Variants in DGKH observed in about 807,000 individuals in gnomAD.
DGKH encodes the protein DAG kinase eta.
A neutral mutation model predicts 159.3 loss-of-function variants in DGKH; 90 were observed. That is an observed-to-expected ratio of 0.57 (90% CI 0.48 to 0.67). The LOEUF (loss-of-function observed/expected upper bound fraction) is 0.67. Among genes scored for constraint, DGKH ranks in the 30% least tolerant of loss-of-function variants. The pLI, the probability that DGKH is intolerant of heterozygous loss-of-function variation, is 0.00. For synonymous variants in DGKH, 536 were observed against 553.8 expected (o/e 0.97, Z 0.45); for missense variants, 1,181 against 1,506.1 (o/e 0.78, Z 3.57).
chr13:42,101,268 G>T (rs1055001065), intron 1 of DGKH, among the ~76,000 whole-genome samples: 1 of 152,174 alleles, frequency 6.6e-6, no homozygotes, highest in African/African-American at 2.4e-5. Context: ...TAGTCTTCTA[G>T]AACTTATGGT....
intron 29 of DGKH, among the ~76,000 whole-genome samples, chr13:42,251,983 A>T (rs1040022637): frequency 3.9e-5 from 6 of 152,200 alleles, no homozygotes; most frequent in African/African-American, 1.2e-4. Flanking sequence ...TCTTCAAAAA[A>T]TGTCCTTTGA....
At chr13:42,185,519 T>A (rs954941449) in intron 13 of DGKH, among the ~76,000 whole-genome samples, 4 of 152,238 alleles carry the variant, frequency 2.6e-5, no homozygotes, top group African/African-American at 9.6e-5. Flanking sequence ...AAAGCAGCTA[T>A]GATAATGATA....
intron 1 of DGKH, among the ~76,000 whole-genome samples, chr13:42,083,237 A>T (rs1408270141): frequency 6.6e-6 from 1 of 152,174 alleles, no homozygotes; most frequent in African/African-American, 2.4e-5. Context: ...ACAAAAACAC[A>T]AAAAAAGAGG....
intron 17 of DGKH, among the ~76,000 whole-genome samples, chr13:42,198,041 A>G (rs1957245768): frequency 6.6e-6 from 1 of 152,202 alleles, no homozygotes; most frequent in East Asian, 1.9e-4. Context: ...ACATCTCTTA[A>G]TATTTTAAAT....
intron 24 of DGKH, among the ~76,000 whole-genome samples, chr13:42,211,904 A>T (rs9533035): frequency 0.25 from 37,216 of 150,812 alleles, 4,669 homozygotes; most frequent in African/African-American, 0.28. Flanking sequence ...TACAGGAAAA[A>T]CTCACCCCCA....
At chr13:42,191,668 C>T (rs2138118102) in intron 16 of DGKH, among the ~76,000 whole-genome samples, 1 of 152,068 alleles carries the variant, frequency 6.6e-6, no homozygotes, top group Middle Eastern at 3.4e-3. Flanking sequence ...GTAGTGAGTA[C>T]ATTTTAAATT....
At chr13:42,096,792 AG>A (rs1428522823) in intron 1 of DGKH, among the ~76,000 whole-genome samples, 1 of 152,220 alleles carries the variant, frequency 6.6e-6, no homozygotes, top group Non-Finnish European at 1.5e-5. Flanking sequence ...GGTGGGGTTG[AG>A]GGAACCACAT....
intron 11 of DGKH, among the ~76,000 whole-genome samples, chr13:42,172,125 G>C (rs1594140006): frequency 6.7e-6 from 1 of 150,146 alleles, no homozygotes; most frequent in South Asian, 2.1e-4. Context: ...ACCACACCCA[G>C]CCTCTTTTTT....
At chr13:42,216,077 C>T (rs1270141127) in intron 26 of DGKH, among the ~76,000 whole-genome samples, 3 of 152,208 alleles carry the variant, frequency 2.0e-5, no homozygotes, top group Non-Finnish European at 2.9e-5. Context: ...TAAAAGAGGA[C>T]ATTTTCTAGA....
At chr13:42,160,208 G>C in intron 7 of DGKH, 72 bp downstream of exon 7, 1 of 1,605,778 alleles carries the variant, frequency 6.2e-7, no homozygotes, top group Non-Finnish European at 8.5e-7. Flanking sequence ...ACGTGGTTTA[G>C]AGGCAAAGCA....
At chr13:42,223,382 C>A (rs17599277) in intron 29 of DGKH, among the ~76,000 whole-genome samples, 2 of 152,076 alleles carry the variant, frequency 1.3e-5, no homozygotes, top group Admixed American at 6.6e-5. Flanking sequence ...TAGCACCAAC[C>A]GGCTACTTGG....
At chr13:42,249,357 G>A (rs1958603794) in intron 29 of DGKH, among the ~76,000 whole-genome samples, 1 of 152,164 alleles carries the variant, frequency 6.6e-6, no homozygotes, top group South Asian at 2.1e-4. Flanking sequence ...GTTGCAGTGA[G>A]CCAAGATCAT....
chr13:42,152,446 T>C (rs747198774), intron 3 of DGKH, among the ~76,000 whole-genome samples: 3 of 149,674 alleles, frequency 2.0e-5, no homozygotes, highest in Non-Finnish European at 4.5e-5. Context: ...TATATATATA[T>C]ACATACACAC....
intron 29 of DGKH, among the ~76,000 whole-genome samples, chr13:42,223,740 G>A (rs1220234929): frequency 1.1e-4 from 17 of 151,086 alleles, no homozygotes; most frequent in Admixed American, 9.9e-4. Flanking sequence ...CAGCTTGGGC[G>A]ACAGAGCAAG....
At chr13:42,076,990 T>C (rs551421887) in intron 1 of DGKH, among the ~76,000 whole-genome samples, 1 of 152,312 alleles carries the variant, frequency 6.6e-6, no homozygotes, top group South Asian at 2.1e-4. Context: ...TCCTGTTAAA[T>C]GAAAGCCCTC....
intron 1 of DGKH, among the ~76,000 whole-genome samples, chr13:42,092,510 G>C (rs1233692451): frequency 6.6e-6 from 1 of 152,156 alleles, no homozygotes; most frequent in Non-Finnish European, 1.5e-5. Context: ...GACAAGTATT[G>C]CATGTTTTCA....
At chr13:42,214,446 CA>C (rs1043171036) in intron 24 of DGKH, 60 bp from the exon 25 acceptor site, 256 of 1,509,700 alleles carry the variant, frequency 1.7e-4, no homozygotes, top group Admixed American at 3.5e-4. Flanking sequence ...TTCTATACTT[CA>C]AAAAAAATGA....
chr13:42,219,807 T>C lies in DGKH; in HGVS notation c.3442+13T>C, dbSNP rs1957920685. On this transcript the variant is annotated intron_variant, in intron 28 of 29. Coordinates refer to ENST00000337343, the MANE Select transcript of DGKH (RefSeq NM_178009.5). ...AGTTCACAGCCTGGTAGGTGGTCCA[T>C]ATGGAAGGGGAAATATAACATTATG... 2 of 1,605,524 alleles carry C rather than the reference T, an allele frequency of 1.2e-6. No individual in the cohort carries two copies. Among genetic ancestry groups the C allele is most frequent in the African/African-American group, 2.7e-5 (2 of 74,626 alleles).
chr13:42,077,915 A>T (rs990724692), intron 1 of DGKH, among the ~76,000 whole-genome samples: 1 of 152,196 alleles, frequency 6.6e-6, no homozygotes, highest in African/African-American at 2.4e-5. Context: ...TTCTTTCTCT[A>T]CAGTTAAAAT....
Sources: gnomAD v4.1 joint callset for allele counts (sites outside exome capture counted in the v4.1 genomes callset) on GRCh38, gnomAD v4.1.1 for gene constraint, MANE v1.5 for transcripts, NCBI Gene and HGNC (gene_info 2026-07-23, HGNC 2026-07-21) for gene names.